The following TDRKH variants were observed in gnomAD, a reference collection of about 807,000 sequenced individuals.
TDRKH encodes tudor and KH domain-containing protein.
In TDRKH, 28 loss-of-function variants were observed where a neutral mutation model predicts 61.3. The observed-to-expected ratio is 0.46, with a 90% CI of 0.34 to 0.63. TDRKH has a LOEUF of 0.63. Ranked by LOEUF, TDRKH falls within the 20% of genes least tolerant of loss-of-function variation. TDRKH has a pLI of 0.01. For synonymous variants in TDRKH, 219 were observed against 244.4 expected (o/e 0.90, Z 0.97); for missense variants, 540 against 683.4 (o/e 0.79, Z 2.34).
downstream of TDRKH, chr1:151,768,286 C>T (rs1286513802): frequency 5.1e-6 from 8 of 1,560,788 alleles, no homozygotes; most frequent in Non-Finnish European, 6.1e-6. Context: ...GGATTTCACC[C>T]TTCTATCATG....
Position 151,773,804 on chromosome 1 carries a change from T to C in TDRKH, c.*648A>G, listed in dbSNP as rs1157329779. 6.6e-6 allele frequency: 1 copy of C among 152,234 alleles called. No homozygotes were observed. Among genetic ancestry groups the C allele is most frequent in the Non-Finnish European group, 1.5e-5 (1 of 68,050 alleles). The allele number at this position is 152,234 out of a possible 1,614,324, so 9.4% of individuals were successfully genotyped here. On this transcript the variant is annotated 3_prime_UTR_variant, in exon 13 of 13. Coordinates refer to ENST00000368824, the MANE Select transcript of TDRKH (RefSeq NM_001083965.2). Reference sequence around the variant, plus strand: ...TATGCTAATTTTTGCCTTTGCCTCCTGATTCAACTGGAGTCTTTGAGTTCA... The same window carrying C: ...TATGCTAATTTTTGCCTTTGCCTCCCGATTCAACTGGAGTCTTTGAGTTCA...
At chr1:151,786,176 C>T (rs551543423) in intron 1 of TDRKH, among the ~76,000 whole-genome samples, 99 of 152,218 alleles carry the variant, frequency 6.5e-4, no homozygotes, top group African/African-American at 2.3e-3. Flanking sequence ...GAAAGGAGAA[C>T]ATCTAGCACC....
At chr1:151,790,062 G>T (rs943184615) in intron 1 of TDRKH, among the ~76,000 whole-genome samples, 1 of 152,174 alleles carries the variant, frequency 6.6e-6, no homozygotes, top group Non-Finnish European at 1.5e-5. Context: ...AGTGATATAC[G>T]GATGGCAGCT....
chr1:151,771,494 T>C (rs1000077895), downstream of TDRKH: 13 of 519,892 alleles, frequency 2.5e-5, no homozygotes, highest in African/African-American at 2.2e-4. Context: ...TGCCCCAAAC[T>C]ATTTCCCCAT....
At position 151,774,064 on chromosome 1, in the gene TDRKH, G is replaced by C. The variant is rs1246116436; in HGVS notation, c.*388C>G. The C allele has an allele frequency of 4.1e-5, 8 of 194,564 alleles. No homozygotes were observed. In the East Asian group the frequency reaches 1.2e-3, roughly 30 times the overall value. 12.1% of individuals were successfully genotyped at this position (194,564 alleles called of 1,614,324 possible). ...GGAGGGATCCGGAGGTGGAATGGGG[G>C]AGACACACTTGTAGCGTGGTAGTCC... On this transcript the variant is annotated 3_prime_UTR_variant, in exon 13 of 13. Coordinates refer to ENST00000368824, the MANE Select transcript of TDRKH (RefSeq NM_001083965.2).
At chr1:151,768,032 GA>G, downstream of TDRKH, 1 of 1,613,398 alleles carries the variant, frequency 6.2e-7, no homozygotes, top group Non-Finnish European at 8.5e-7. Flanking sequence ...TTGAAGACTA[GA>G]GGAGCATTTT....
downstream of TDRKH, among the ~76,000 whole-genome samples, chr1:151,772,779 C>T (rs1323485721): frequency 1.3e-5 from 2 of 152,236 alleles, no homozygotes; most frequent in Non-Finnish European, 2.9e-5. Context: ...CTTACCAGAG[C>T]TGCTCCTAGA....
intron 7 of TDRKH, 61 bp from the exon 8 acceptor site, chr1:151,776,329 T>C: frequency 6.3e-7 from 1 of 1,596,194 alleles, no homozygotes; most frequent in Non-Finnish European, 8.5e-7. Context: ...ATAAACAGAA[T>C]TGCAGGAGGA....
At chr1:151,777,674 A>G (rs1387375086) in intron 6 of TDRKH, among the ~76,000 whole-genome samples, 1 of 150,366 alleles carries the variant, frequency 6.7e-6, no homozygotes, top group Non-Finnish European at 1.5e-5. Flanking sequence ...ATTGCTTCCT[A>G]TTTTGGGTAA....
intron 3 of TDRKH, 48 bp from the exon 4 acceptor site, chr1:151,780,188 T>C: frequency 6.3e-7 from 1 of 1,585,642 alleles, no homozygotes; most frequent in Non-Finnish European, 8.6e-7. Context: ...GAGCTCCCAT[T>C]TGAGCCCAGC....
chr1:151,775,039 C>CACCCT (rs1338706634), intron 11 of TDRKH, 26 bp downstream of exon 11: 2 of 1,609,380 alleles, frequency 1.2e-6, no homozygotes, highest in Admixed American at 3.3e-5. Context: ...CTGGAAGCAG[C>CACCCT]ACCCTATATA....
Position 151,780,002 on chromosome 1 carries a change from G to C in TDRKH, c.370C>G (p.Pro124Ala). The C allele has an allele frequency of 6.2e-7, 1 of 1,614,142 alleles. No individual in the cohort carries two copies. Among genetic ancestry groups the C allele is most frequent in the Non-Finnish European group, 8.5e-7 (1 of 1,179,994 alleles). The change falls in exon 4 of 13, where the codon CCA (proline) becomes GCA (alanine). Residue 124 changes from proline (P) to alanine (A), a missense_variant. Around this residue, in one of 3 missense-constraint regions of TDRKH, gnomAD observed 156 missense variants for 218.0 expected, o/e 0.72. Transcript: ENST00000368824. ...GGAACTGAAAGCTGCTCAGACACTG[G>C]GGTATTCTCTGTCAGGATCTGATGG... ...AIHQILTENT[P>A]VSEQLSVPQR...
intron 3 of TDRKH, 111 bp from the exon 4 acceptor site, chr1:151,780,251 T>A: frequency 1.0e-6 from 1 of 986,158 alleles, no homozygotes; most frequent in Non-Finnish European, 1.5e-6. Context: ...CCAAAGGAAT[T>A]AGCTAATACT....
At chr1:151,780,913 C>A (rs894398380) in intron 3 of TDRKH, among the ~76,000 whole-genome samples, 1 of 151,800 alleles carries the variant, frequency 6.6e-6, no homozygotes, top group Non-Finnish European at 1.5e-5. Context: ...GTCAAAAACC[C>A]GTATTTCAAG....
downstream of TDRKH, chr1:151,770,942 G>C: frequency 7.9e-7 from 1 of 1,264,290 alleles, no homozygotes; most frequent in Non-Finnish European, 1.0e-6. Flanking sequence ...TAGGTCTGTT[G>C]GACTAAAGCA....
downstream of TDRKH, chr1:151,768,114 G>C: frequency 6.2e-7 from 1 of 1,613,958 alleles, no homozygotes; most frequent in Non-Finnish European, 8.5e-7. Flanking sequence ...ACCCAGTACA[G>C]TTAGACTTTC....
At position 151,779,110 on chromosome 1, in the gene TDRKH, G is replaced by A. The variant is rs1476055467; in HGVS notation, c.554C>T (p.Ala185Val). ...KISGTQKEVA[A>V]AKHLILEKVS... ...AGTCTATTAGCTACTTGCCTTGGCTGCTGCCACTTCCTTCTGTGTTCCTGA... is the reference window on the plus strand; with the variant it reads ...AGTCTATTAGCTACTTGCCTTGGCTACTGCCACTTCCTTCTGTGTTCCTGA... Residue 185 changes from alanine to valine, a missense_variant, in exon 5 of 13, where the codon GCA becomes GTA. Ala to Val is a moderately conservative substitution (Grantham distance 64). Transcript: ENST00000368824. 1 of 1,614,050 alleles carries A rather than the reference G, an allele frequency of 6.2e-7. No individual in the cohort carries two copies. The highest frequency in any genetic ancestry group is 1.1e-5 in the South Asian group (1 of 91,064).
chr1:151,769,804 A>T (rs1246993799), downstream of TDRKH, among the ~76,000 whole-genome samples: 2 of 152,236 alleles, frequency 1.3e-5, no homozygotes, highest in Non-Finnish European at 2.9e-5. Context: ...TGAGTGAACG[A>T]GGCTCCGTCT....
At chr1:151,766,856 C>G (rs747129622), downstream of TDRKH, 4 of 1,612,634 alleles carry the variant, frequency 2.5e-6, no homozygotes, top group Non-Finnish European at 3.4e-6. Flanking sequence ...GGATCACTCT[C>G]CGGGAGAAGA....
Sources: gnomAD v4.1 joint callset for allele counts (sites outside exome capture counted in the v4.1 genomes callset) on GRCh38, gnomAD v4.1.1 for gene constraint, gnomAD v4.1.1 regional missense constraint, MANE v1.5 for transcripts, NCBI Gene and HGNC (gene_info 2026-07-23, HGNC 2026-07-21) for gene names.